The following TSHZ2 variants were observed in gnomAD, a reference collection of about 807,000 sequenced individuals.
The protein encoded by TSHZ2 is teashirt homolog 2.
TSHZ2 carries 21 observed loss-of-function variants against 74.4 expected under a neutral mutation model. The ratio of observed to expected loss-of-function variants is 0.28; its 90% confidence interval spans 0.20 to 0.41. The LOEUF (loss-of-function observed/expected upper bound fraction) is 0.41, where lower values mean the gene tolerates loss of function less well. Among genes scored for constraint, TSHZ2 ranks in the 10% least tolerant of loss-of-function variants. TSHZ2 has a pLI of 1.00. For synonymous variants in TSHZ2, 540 were observed against 515.3 expected (o/e 1.05, Z -0.65); for missense variants, 1,244 against 1,293.5 (o/e 0.96, Z 0.59).
intron 1 of TSHZ2, among the ~76,000 whole-genome samples, chr20:53,189,851 A>G (rs1426907417): frequency 1.3e-5 from 2 of 151,792 alleles, no homozygotes; most frequent in Non-Finnish European, 2.9e-5. Flanking sequence ...TGGGAGGCCA[A>G]GGTGGGCAGA....
intron 2 of TSHZ2, among the ~76,000 whole-genome samples, chr20:53,410,099 G>A (rs144697509): frequency 0.011 from 1,602 of 151,920 alleles, 28 homozygotes; most frequent in African/African-American, 0.036. Flanking sequence ...CACCCACCTC[G>A]GCCTCCCAAA....
intron 1 of TSHZ2, among the ~76,000 whole-genome samples, chr20:53,129,768 C>G (rs141536323): frequency 4.0e-4 from 61 of 152,170 alleles, no homozygotes; most frequent in Non-Finnish European, 2.6e-4. Flanking sequence ...TCTCCCCTCC[C>G]GTGCCTTGCT....
chr20:53,353,194 G>C (rs762605565), intron 2 of TSHZ2, among the ~76,000 whole-genome samples: 1 of 152,166 alleles, frequency 6.6e-6, no homozygotes, highest in Non-Finnish European at 1.5e-5. Flanking sequence ...GGTAAATCAG[G>C]TTGGAAGATG....
intron 1 of TSHZ2, among the ~76,000 whole-genome samples, chr20:53,048,060 G>C (rs1397139031): frequency 6.6e-6 from 1 of 152,144 alleles, no homozygotes; most frequent in African/African-American, 2.4e-5. Flanking sequence ...GCCTTTTGTG[G>C]TACTCTGTGC....
chr20:53,339,486 C>A (rs1478958623), intron 2 of TSHZ2, among the ~76,000 whole-genome samples: 1 of 152,198 alleles, frequency 6.6e-6, no homozygotes, highest in African/African-American at 2.4e-5. Flanking sequence ...ACAGCTCCGT[C>A]CTTCTCACAC....
intron 1 of TSHZ2, among the ~76,000 whole-genome samples, chr20:53,110,025 T>C (rs895391560): frequency 3.3e-5 from 5 of 152,212 alleles, no homozygotes; most frequent in Non-Finnish European, 7.3e-5. Context: ...TACATTTCCA[T>C]TTTTTCACCT....
intron 1 of TSHZ2, among the ~76,000 whole-genome samples, chr20:53,219,329 A>G (rs1175071585): frequency 6.6e-6 from 1 of 152,238 alleles, no homozygotes; most frequent in Non-Finnish European, 1.5e-5. Context: ...GAGGCTTAAC[A>G]TCTCCAAACA....
chr20:53,261,380 G>A (rs930877928), intron 2 of TSHZ2, among the ~76,000 whole-genome samples: 2 of 152,112 alleles, frequency 1.3e-5, no homozygotes, highest in African/African-American at 2.4e-5. Context: ...TTGCCATATG[G>A]TGTCTAACCA....
intron 1 of TSHZ2, chr20:53,208,717 T>C (rs1432269072): frequency 6.6e-6 from 1 of 152,196 alleles, no homozygotes; most frequent in Non-Finnish European, 1.5e-5. Flanking sequence ...TCAGAGCAGT[T>C]AACTAACTCT....
At chr20:53,440,397 C>T (rs909579937) in intron 2 of TSHZ2, among the ~76,000 whole-genome samples, 1 of 152,226 alleles carries the variant, frequency 6.6e-6, no homozygotes, top group Non-Finnish European at 1.5e-5. Flanking sequence ...CTGGAATTGT[C>T]ACCCATTTCT....
intron 1 of TSHZ2, among the ~76,000 whole-genome samples, chr20:53,075,735 C>G (rs150233810): frequency 2.2e-4 from 34 of 152,246 alleles, no homozygotes; most frequent in Non-Finnish European, 3.7e-4. Context: ...TGAGGGAGTT[C>G]TTGGGGTGAT....
At chr20:53,319,539 G>A (rs979564709) in intron 2 of TSHZ2, among the ~76,000 whole-genome samples, 3 of 152,210 alleles carry the variant, frequency 2.0e-5, no homozygotes, top group African/African-American at 7.2e-5. Context: ...GGGACAGAAT[G>A]ACCCAGGAAG....
At chr20:53,408,397 G>A (rs1439911898) in intron 2 of TSHZ2, among the ~76,000 whole-genome samples, 6 of 152,134 alleles carry the variant, frequency 3.9e-5, no homozygotes, top group South Asian at 2.1e-4. Flanking sequence ...CTCTAATATC[G>A]TTAATGCATT....
At chr20:52,997,036 TG>T (rs1373155380) in intron 1 of TSHZ2, among the ~76,000 whole-genome samples, 1 of 152,186 alleles carries the variant, frequency 6.6e-6, no homozygotes, top group Non-Finnish European at 1.5e-5. Flanking sequence ...AACCTTTGTT[TG>T]GGGACATTCA....
At chr20:53,328,117 G>T (rs1209634455) in intron 2 of TSHZ2, among the ~76,000 whole-genome samples, 2 of 152,144 alleles carry the variant, frequency 1.3e-5, no homozygotes, top group Non-Finnish European at 2.9e-5. Context: ...CCTGACAATG[G>T]TGCTCACCCT....
chr20:53,152,012 G>T (rs535829788), intron 1 of TSHZ2, among the ~76,000 whole-genome samples: 37 of 152,032 alleles, frequency 2.4e-4, no homozygotes, highest in Middle Eastern at 6.8e-3. Flanking sequence ...CGAGGGCAAG[G>T]TTGCTGTAAA....
At chr20:53,381,830 C>A (rs544167904) in intron 2 of TSHZ2, among the ~76,000 whole-genome samples, 1 of 152,188 alleles carries the variant, frequency 6.6e-6, no homozygotes. Flanking sequence ...GCTCTTCCTA[C>A]ACTGCATCCA....
rs1991252736 is a variant in TSHZ2 at position 53,290,138 on chromosome 20, C to T, written c.*8+33567C>T. Among the ~76,000 whole-genome samples the T allele has an allele frequency of 2.6e-5, 4 of 152,232 alleles. No homozygotes were observed. In the South Asian group the frequency reaches 8.3e-4, roughly 32 times the overall value. On this transcript the variant is annotated intron_variant, in intron 2 of 2. Coordinates refer to ENST00000371497, the MANE Select transcript of TSHZ2 (RefSeq NM_173485.6). ...GGCGTTCCACCTTCCTATGTGGAGT[C>T]AGTTGGAGCTAAGGGATATTTTCCC...
At chr20:53,046,163 G>A (rs910185566) in intron 1 of TSHZ2, among the ~76,000 whole-genome samples, 23 of 152,148 alleles carry the variant, frequency 1.5e-4, no homozygotes, top group African/African-American at 5.1e-4. Flanking sequence ...GGGGAGACAC[G>A]AAGCCAAACT....
Sources: allele counts gnomAD v4.1 joint callset (sites outside exome capture counted in the v4.1 genomes callset), GRCh38; gene constraint gnomAD v4.1.1; transcripts MANE v1.5; gene names NCBI Gene and HGNC (gene_info 2026-07-23, HGNC 2026-07-21).